Variants in ABCA13 observed in about 807,000 individuals in gnomAD.
ABCA13 encodes the protein ATP binding cassette subfamily A member 13.
Under a neutral mutation model 478.7 loss-of-function variants are expected in ABCA13, and 476 were observed. The ratio of observed to expected loss-of-function variants is 0.99; its 90% CI spans 0.92 to 1.07. The LOEUF (loss-of-function observed/expected upper bound fraction) is 1.07. Ranked by LOEUF, ABCA13 falls within the 50% of genes least tolerant of loss-of-function variation. ABCA13 has a pLI of 0.00. For missense variants in ABCA13, 6,060 were observed against 5,910.6 expected (o/e 1.03, Z -0.83); for synonymous variants, 2,252 against 2,158.9 (o/e 1.04, Z -1.20).
Position 48,594,727 on chromosome 7 carries a change from G to A in ABCA13, c.14658G>A (p.Gly4886=). ...DILLLDEPSS[G]MDPCSKRYLW... ...TCCTTCAGGATGAGCCCAGCTCTGGGATGGATCCCTGCTCTAAGCGGTACC... is the reference window on the plus strand; with the variant it reads ...TCCTTCAGGATGAGCCCAGCTCTGGAATGGATCCCTGCTCTAAGCGGTACC... Residue 4886 remains glycine, a synonymous_variant, in exon 58 of 62, where the codon GGG becomes GGA. Transcript: ENST00000435803. 6.2e-7 allele frequency: 1 copy of A among 1,613,924 alleles called. No homozygotes were observed. Among genetic ancestry groups the A allele is most frequent in the African/African-American group, 1.3e-5 (1 of 75,048 alleles).
At position 48,516,716 on chromosome 7, in the gene ABCA13, A is replaced by G. The variant is rs1239169272; in HGVS notation, c.13641-9A>G. The G allele has an allele frequency of 6.2e-7, 1 of 1,612,740 alleles. No individual in the cohort carries two copies. Among genetic ancestry groups the G allele is most frequent in the South Asian group, 1.1e-5 (1 of 90,938 alleles). On this transcript the variant is annotated splice_polypyrimidine_tract_variant and intron_variant, in intron 51 of 61. Coordinates refer to ENST00000435803, the MANE Select transcript of ABCA13 (RefSeq NM_152701.5). Reference sequence around the variant, plus strand: ...TAAAACAAACATTACTTTTCACTTTACTTTTCAGATATGCAACTCTTCCAT... The same window carrying G: ...TAAAACAAACATTACTTTTCACTTTGCTTTTCAGATATGCAACTCTTCCAT...
chr7:48,443,709 C>T (rs1022903192), intron 42 of ABCA13, among the ~76,000 whole-genome samples: 3 of 152,076 alleles, frequency 2.0e-5, no homozygotes, highest in African/African-American at 7.2e-5. Context: ...CTGGCCAACT[C>T]TCACTTCTTG....
intron 59 of ABCA13, among the ~76,000 whole-genome samples, chr7:48,632,269 GT>G (rs1257082066): frequency 6.6e-6 from 1 of 151,764 alleles, no homozygotes; most frequent in Non-Finnish European, 1.5e-5. Context: ...TTTTATATTG[GT>G]TTATTTGTCT....
chr7:48,417,531 C>T (rs2060327), intron 41 of ABCA13, among the ~76,000 whole-genome samples: 129,143 of 152,066 alleles, frequency 0.85, 55,215 homozygotes, highest in African/African-American at 0.96. Flanking sequence ...TTTTAAAAAC[C>T]TTTTAAAGAG....
At chr7:48,543,919 A>C (rs572769854) in intron 55 of ABCA13, among the ~76,000 whole-genome samples, 1 of 151,718 alleles carries the variant, frequency 6.6e-6, no homozygotes, top group African/African-American at 2.4e-5. Flanking sequence ...TTGGGCTAAT[A>C]ATTTTCCTTC....
intron 27 of ABCA13, among the ~76,000 whole-genome samples, chr7:48,321,519 C>T (rs898254050): frequency 6.6e-5 from 10 of 152,152 alleles, no homozygotes; most frequent in African/African-American, 2.2e-4. Context: ...CTGTGTAGGC[C>T]GGCCCTGAGC....
intron 42 of ABCA13, among the ~76,000 whole-genome samples, chr7:48,444,722 T>G (rs572804683): frequency 6.6e-6 from 1 of 152,274 alleles, no homozygotes; most frequent in South Asian, 2.1e-4. Context: ...TCACCTCTCT[T>G]GGCTCTTGGC....
At chr7:48,459,512 C>A (rs998103372) in intron 43 of ABCA13, among the ~76,000 whole-genome samples, 2 of 152,182 alleles carry the variant, frequency 1.3e-5, no homozygotes, top group East Asian at 3.9e-4. Flanking sequence ...AAGAATACTT[C>A]AAAACCCGGC....
At chr7:48,643,206 C>T in intron 59 of ABCA13, 82 bp from the exon 60 acceptor site, 2 of 852,900 alleles carry the variant, frequency 2.3e-6, no homozygotes, top group South Asian at 2.0e-5. Context: ...CTTTTTCTCC[C>T]TCTGTGTGAA....
intron 27 of ABCA13, among the ~76,000 whole-genome samples, chr7:48,318,578 T>G (rs1002854417): frequency 2.6e-5 from 4 of 151,616 alleles, no homozygotes; most frequent in Non-Finnish European, 5.9e-5. Context: ...AAGTGTCCTT[T>G]CAGAGGGGTA....
At chr7:48,414,668 G>T (rs1439418623) in intron 41 of ABCA13, among the ~76,000 whole-genome samples, 1 of 151,470 alleles carries the variant, frequency 6.6e-6, no homozygotes, top group Non-Finnish European at 1.5e-5. Flanking sequence ...GGGTTTCGTT[G>T]TGTTGCTCAG....
At chr7:48,229,672 A>T (rs1788761245) in intron 6 of ABCA13, among the ~76,000 whole-genome samples, 153 bp from the exon 7 acceptor site, 1 of 152,224 alleles carries the variant, frequency 6.6e-6, no homozygotes, top group African/African-American at 2.4e-5. Context: ...GGTCACATTA[A>T]AGCCACAAAG....
chr7:48,395,033 C>T (rs149856644), intron 38 of ABCA13, among the ~76,000 whole-genome samples: 2 of 152,224 alleles, frequency 1.3e-5, no homozygotes, highest in African/African-American at 4.8e-5. Context: ...GGGTGGGCTG[C>T]AATATGTTAC....
chr7:48,633,453 A>G (rs1028056226), intron 59 of ABCA13, among the ~76,000 whole-genome samples: 3 of 152,146 alleles, frequency 2.0e-5, no homozygotes, highest in African/African-American at 7.2e-5. Flanking sequence ...TACTTTACCC[A>G]TCAACCACAG....
intron 29 of ABCA13, among the ~76,000 whole-genome samples, chr7:48,347,044 C>A (rs565365335): frequency 6.2e-4 from 94 of 152,260 alleles, no homozygotes; most frequent in Middle Eastern, 3.4e-3. Context: ...ATCAGAAGAA[C>A]CCTCAAGGGA....
At chr7:48,496,965 A>G (rs1047901448) in intron 48 of ABCA13, among the ~76,000 whole-genome samples, 6 of 150,682 alleles carry the variant, frequency 4.0e-5, no homozygotes, top group Admixed American at 1.3e-4. Context: ...TTTTAGGTTT[A>G]TGGTTTTTTT....
chr7:48,533,679 T>C (rs13234783), intron 55 of ABCA13, among the ~76,000 whole-genome samples: 20,299 of 152,138 alleles, frequency 0.13, 1,731 homozygotes, highest in Non-Finnish European at 0.19. Flanking sequence ...AGCTCCATTG[T>C]TAGGTGCATA....
intron 42 of ABCA13, among the ~76,000 whole-genome samples, chr7:48,436,938 CAT>C (rs981445289): frequency 6.6e-6 from 1 of 151,656 alleles, no homozygotes; most frequent in Non-Finnish European, 1.5e-5. Context: ...TGTAGTATAA[CAT>C]GTGATCTATC....
chr7:48,551,952 C>T (rs763467526), intron 55 of ABCA13, among the ~76,000 whole-genome samples: 15 of 151,664 alleles, frequency 9.9e-5, no homozygotes, highest in Non-Finnish European at 2.1e-4. Context: ...GATTCTTGTT[C>T]AGATATTTAC....
Sources: allele counts gnomAD v4.1 joint callset (sites outside exome capture counted in the v4.1 genomes callset), GRCh38; gene constraint gnomAD v4.1.1; transcripts MANE v1.5; gene names NCBI Gene and HGNC (gene_info 2026-07-23, HGNC 2026-07-21).